RBMS3: variants seen among roughly 807,000 people sequenced by gnomAD.
RBMS3 encodes the protein RNA binding motif single stranded interacting protein 3.
RBMS3 carries 27 observed loss-of-function variants against 66.8 expected under a neutral mutation model. The ratio of observed to expected loss-of-function variants is 0.40; its 90% confidence interval spans 0.30 to 0.56. The LOEUF is 0.56. Ranked by LOEUF, RBMS3 falls within the 20% of genes least tolerant of loss-of-function variation. RBMS3 has a pLI of 0.40. For synonymous variants in RBMS3, 188 were observed against 183.0 expected (o/e 1.03, Z -0.22); for missense variants, 513 against 549.5 (o/e 0.93, Z 0.66).
intron 4 of RBMS3, among the ~76,000 whole-genome samples, chr3:29,735,879 A>G (rs1576652145): frequency 6.6e-6 from 1 of 152,168 alleles, no homozygotes; most frequent in Non-Finnish European, 1.5e-5. Context: ...TCCATCTGTT[A>G]GATAACAAGA....
intron 6 of RBMS3, among the ~76,000 whole-genome samples, chr3:29,773,134 C>G (rs1338733601): frequency 2.0e-5 from 3 of 151,800 alleles, no homozygotes; most frequent in Non-Finnish European, 2.9e-5. Flanking sequence ...TGGAGCTCCT[C>G]GAGGTTATAA....
intron 4 of RBMS3, among the ~76,000 whole-genome samples, chr3:29,702,150 G>A (rs2052630235): frequency 6.6e-6 from 1 of 151,914 alleles, no homozygotes; most frequent in Non-Finnish European, 1.5e-5. Context: ...ACCAATCAGT[G>A]CTGTGTGTCT....
intron 6 of RBMS3, among the ~76,000 whole-genome samples, chr3:29,790,786 G>A (rs1222663191): frequency 6.6e-6 from 1 of 152,122 alleles, no homozygotes; most frequent in Non-Finnish European, 1.5e-5. Context: ...AAAATGCTGA[G>A]ATTTTTAAAG....
At chr3:29,778,830 A>G (rs1392658489) in intron 6 of RBMS3, among the ~76,000 whole-genome samples, 2 of 151,914 alleles carry the variant, frequency 1.3e-5, no homozygotes, top group Non-Finnish European at 2.9e-5. Flanking sequence ...TCTGGTAAAT[A>G]CTAAGTGTTA....
At chr3:29,835,720 T>G (rs2058488080) in intron 6 of RBMS3, among the ~76,000 whole-genome samples, 1 of 151,588 alleles carries the variant, frequency 6.6e-6, no homozygotes, top group African/African-American at 2.4e-5. Context: ...TTCAATGAAC[T>G]AGAAACATAA....
intron 6 of RBMS3, among the ~76,000 whole-genome samples, chr3:29,839,472 TA>T (rs1222182717): frequency 3.9e-5 from 6 of 152,220 alleles, no homozygotes; most frequent in Non-Finnish European, 2.9e-5. Flanking sequence ...TTCCTTAAAA[TA>T]ATGTTAAACT....
At chr3:29,866,541 C>A (rs1025146568) in intron 6 of RBMS3, among the ~76,000 whole-genome samples, 1 of 152,144 alleles carries the variant, frequency 6.6e-6, no homozygotes, top group Non-Finnish European at 1.5e-5. Context: ...CATTTTAATA[C>A]CTGTATGTAC....
At chr3:29,754,593 T>C (rs2055325413) in intron 5 of RBMS3, among the ~76,000 whole-genome samples, 1 of 152,156 alleles carries the variant, frequency 6.6e-6, no homozygotes, top group African/African-American at 2.4e-5. Context: ...TGAAAGTCTG[T>C]TTCAGGTCCC....
chr3:29,483,502 A>G (rs2125823776), intron 2 of RBMS3, among the ~76,000 whole-genome samples: 1 of 152,186 alleles, frequency 6.6e-6, no homozygotes, highest in South Asian at 2.1e-4. Context: ...CCACCTCTTT[A>G]TCTACTGAGT....
intron 4 of RBMS3, among the ~76,000 whole-genome samples, chr3:29,726,606 A>G (rs1416452171): frequency 1.3e-5 from 2 of 152,122 alleles, no homozygotes; most frequent in African/African-American, 4.8e-5. Context: ...TCCCATACAC[A>G]ATTGCATGGG....
rs140710841 is a variant in RBMS3 at position 29,561,307 on chromosome 3, C to G, written c.308-25807C>G. 3.3e-5 allele frequency among the ~76,000 whole-genome samples: 5 copies of G among 152,254 alleles called. 1 individual carries two copies. The highest frequency in any genetic ancestry group is 1.2e-4 in the African/African-American group (5 of 41,568). On this transcript the variant is annotated intron_variant, in intron 3 of 14. Transcript: ENST00000383767. ...TTAGACCAAAGGATACTTCTTTAGA[C>G]CAAAGTATTTAGGTCTTTGAGGAAT...
chr3:29,820,491 G>A (rs923047429), intron 6 of RBMS3, among the ~76,000 whole-genome samples: 1 of 151,886 alleles, frequency 6.6e-6, no homozygotes, highest in South Asian at 2.1e-4. Flanking sequence ...CATTTTATAT[G>A]CTTTAACTTT....
chr3:29,734,092 C>T (rs1256454216), intron 4 of RBMS3, among the ~76,000 whole-genome samples: 2 of 151,976 alleles, frequency 1.3e-5, no homozygotes, highest in Admixed American at 6.6e-5. Flanking sequence ...TCATGCATGA[C>T]AACATAGATG....
chr3:29,530,705 C>T (rs368565712), intron 3 of RBMS3, among the ~76,000 whole-genome samples: 2 of 123,728 alleles, frequency 1.6e-5, no homozygotes, highest in African/African-American at 6.2e-5. Flanking sequence ...ACTAAAAATA[C>T]AAAAAAAAAA....
intron 6 of RBMS3, among the ~76,000 whole-genome samples, chr3:29,846,418 T>C (rs2058778858): frequency 6.6e-6 from 1 of 152,144 alleles, no homozygotes; most frequent in Non-Finnish European, 1.5e-5. Flanking sequence ...TGATGAAGGC[T>C]GGGGAAAGAA....
chr3:29,858,567 C>A (rs1287503267), intron 6 of RBMS3, among the ~76,000 whole-genome samples: 1 of 152,220 alleles, frequency 6.6e-6, no homozygotes, highest in African/African-American at 2.4e-5. Flanking sequence ...AGTGCTGGTA[C>A]TTTCCAATTT....
At chr3:29,875,427 T>C (rs1050027565) in intron 7 of RBMS3, among the ~76,000 whole-genome samples, 3 of 152,118 alleles carry the variant, frequency 2.0e-5, no homozygotes, top group East Asian at 1.9e-4. Flanking sequence ...TACTACATCA[T>C]TGACTATAAG....
At chr3:29,449,562 TAAC>T in intron 2 of RBMS3, among the ~76,000 whole-genome samples, 1 of 152,284 alleles carries the variant, frequency 6.6e-6, no homozygotes, top group East Asian at 1.9e-4. Context: ...ACCAATAAAA[TAAC>T]AAAATAAGAA....
intron 2 of RBMS3, among the ~76,000 whole-genome samples, chr3:29,476,073 C>T (rs2042937895): frequency 6.7e-6 from 1 of 149,554 alleles, no homozygotes; most frequent in African/African-American, 2.4e-5. Flanking sequence ...AAGGCATGCA[C>T]TCAGGGGAGT....
Sources: allele counts gnomAD v4.1 joint callset (sites outside exome capture counted in the v4.1 genomes callset), GRCh38; gene constraint gnomAD v4.1.1; transcripts MANE v1.5; gene names NCBI Gene and HGNC (gene_info 2026-07-23, HGNC 2026-07-21).